The following NT5C2 variants were observed in gnomAD, a reference collection of about 807,000 sequenced individuals.
NT5C2 encodes the protein 5'-nucleotidase, cytosolic II, also known as cytosolic purine 5'-nucleotidase.
NT5C2 carries 58 observed loss-of-function variants against 76.1 expected under a neutral mutation model. The ratio of observed to expected loss-of-function variants is 0.76; its 90% confidence interval spans 0.62 to 0.95. The LOEUF is 0.95. Ranked by LOEUF, NT5C2 falls within the 40% of genes least tolerant of loss-of-function variation. The probability of loss-of-function intolerance (pLI) is 0.00; values close to 1 mark genes in which losing one functional copy is unlikely to be tolerated. For missense variants in NT5C2, 478 were observed against 690.3 expected (o/e 0.69, Z 3.45); for synonymous variants, 229 against 237.4 (o/e 0.96, Z 0.32).
At chr10:103,144,744 T>C (rs1361026133) in intron 3 of NT5C2, among the ~76,000 whole-genome samples, 1 of 152,140 alleles carries the variant, frequency 6.6e-6, no homozygotes, top group East Asian at 1.9e-4. Context: ...CAGATACCAT[T>C]TTGTGACATA....
intron 2 of NT5C2, among the ~76,000 whole-genome samples, chr10:103,180,663 A>G (rs2090887799): frequency 6.6e-6 from 1 of 152,114 alleles, no homozygotes; most frequent in Non-Finnish European, 1.5e-5. Context: ...GGCTACAGTG[A>G]GCCAAGATTG....
intron 4 of NT5C2, among the ~76,000 whole-genome samples, chr10:103,131,288 T>A (rs965020435): frequency 1.3e-5 from 2 of 152,250 alleles, no homozygotes; most frequent in African/African-American, 4.8e-5. Context: ...AAATACTGTT[T>A]GCCAGAATAG....
At chr10:103,136,797 G>C (rs1046594473) in intron 4 of NT5C2, among the ~76,000 whole-genome samples, 1 of 151,872 alleles carries the variant, frequency 6.6e-6, no homozygotes, top group Non-Finnish European at 1.5e-5. Context: ...ACTAATTTTT[G>C]TATTTTTTAG....
chr10:103,152,126 T>G (rs138993358), intron 3 of NT5C2, among the ~76,000 whole-genome samples: 2 of 152,312 alleles, frequency 1.3e-5, no homozygotes, highest in East Asian at 3.9e-4. Context: ...TAAACAACCC[T>G]GTGTACAAGA....
At chr10:103,173,628 AAAAG>A (rs1393795716) in intron 3 of NT5C2, among the ~76,000 whole-genome samples, 1 of 133,772 alleles carries the variant, frequency 7.5e-6, no homozygotes, top group Non-Finnish European at 1.6e-5. Flanking sequence ...AAAAAAAAAA[AAAAG>A]AATTTCATTC....
At position 103,088,917 on chromosome 10, in the gene NT5C2, G is replaced by A. The variant is rs2066042206; in HGVS notation, c.*755C>T. On this transcript the variant is annotated 3_prime_UTR_variant, in exon 19 of 19. Transcript: ENST00000404739. ...AAGGCAGTTCTTCCCTTTCTTTTCT[G>A]GGGGCTTGTTCCTTTGTCCACTTGC... The A allele has an allele frequency of 4.7e-6, 1 of 212,612 alleles. No homozygotes were observed. Among genetic ancestry groups the A allele is most frequent in the Non-Finnish European group, 9.5e-6 (1 of 105,164 alleles). The allele number at this position is 212,612 out of a possible 1,614,324, so 13.2% of individuals were successfully genotyped here.
chr10:103,090,078 CCT>C, intron 18 of NT5C2, 170 bp from the exon 19 acceptor site: 1 of 501,726 alleles, frequency 2.0e-6, no homozygotes. Context: ...TGCCTGTCTT[CCT>C]CTCTCCCTGC....
At chr10:103,109,774 C>G (rs11191561) in intron 4 of NT5C2, among the ~76,000 whole-genome samples, 20,095 of 152,124 alleles carry the variant, frequency 0.13, 1,364 homozygotes, top group Middle Eastern at 0.21. Context: ...CGAGTAAAAC[C>G]TATGTCTATG....
At chr10:103,136,845 C>T (rs1308025445) in intron 4 of NT5C2, among the ~76,000 whole-genome samples, 6 of 151,994 alleles carry the variant, frequency 3.9e-5, no homozygotes, top group African/African-American at 9.7e-5. Context: ...AGGCTGGTCT[C>T]GAACTCCTGT....
At chr10:103,129,064 G>A (rs561945980) in intron 4 of NT5C2, among the ~76,000 whole-genome samples, 10,471 of 115,950 alleles carry the variant, frequency 0.09, 502 homozygotes, top group Admixed American at 0.1. Flanking sequence ...CGTGCCATCC[G>A]GGAGGGAGGT....
chr10:103,153,904 T>A (rs1367918951), intron 3 of NT5C2: 1 of 540,616 alleles, frequency 1.8e-6, no homozygotes, highest in Non-Finnish European at 2.4e-6. Flanking sequence ...GCGAGGTATT[T>A]TTTTTTCTGA....
intron 16 of NT5C2, 65 bp from the exon 17 acceptor site, chr10:103,091,061 G>C: frequency 1.4e-6 from 2 of 1,397,840 alleles, no homozygotes; most frequent in Non-Finnish European, 1.0e-6. Flanking sequence ...CTTTAAGACA[G>C]TCTCATTCTG....
rs957768273 is a variant in NT5C2 at position 103,099,056 on chromosome 10, T to C, written c.634-72A>G. On this transcript the variant is annotated intron_variant, in intron 9 of 18. Transcript: ENST00000404739. ...TTTAACATGTAGTTTATAAGAAAAA[T>C]GGTTTTTACTAATCAACCCAAATCC... 2.2e-5 allele frequency: 27 copies of C among 1,222,276 alleles called. No individual in the cohort carries two copies. The African/African-American group carries it at 3.8e-4, about 17-fold the overall frequency. The allele number at this position is 1,222,276 out of a possible 1,614,324, so 75.7% of individuals were successfully genotyped here.
At chr10:103,127,456 T>G (rs780628854) in intron 4 of NT5C2, among the ~76,000 whole-genome samples, 11 of 152,184 alleles carry the variant, frequency 7.2e-5, no homozygotes, top group Non-Finnish European at 1.5e-4. Flanking sequence ...TTTGTGGCAT[T>G]AGGCTGGCAT....
At chr10:103,107,270 T>C (rs2135304307) in intron 4 of NT5C2, among the ~76,000 whole-genome samples, 1 of 152,334 alleles carries the variant, frequency 6.6e-6, no homozygotes, top group African/African-American at 2.4e-5. Context: ...TCTTATCAGC[T>C]CTAACAATGT....
intron 3 of NT5C2, among the ~76,000 whole-genome samples, chr10:103,158,493 A>G (rs922702964): frequency 2.6e-5 from 4 of 152,078 alleles, no homozygotes; most frequent in Non-Finnish European, 5.9e-5. Flanking sequence ...ACTGACCCAA[A>G]AAAAGAAGAC....
intron 3 of NT5C2, among the ~76,000 whole-genome samples, chr10:103,172,975 T>G (rs1171954196): frequency 6.6e-6 from 1 of 152,160 alleles, no homozygotes; most frequent in African/African-American, 2.4e-5. Flanking sequence ...GCCACTGGAC[T>G]TCAGCCTTGG....
chr10:103,146,541 CTG>C (rs1453686857), intron 3 of NT5C2: 6 of 532,798 alleles, frequency 1.1e-5, no homozygotes, highest in African/African-American at 2.1e-5. Flanking sequence ...AAGTATGTGT[CTG>C]TATATATGCA....
chr10:103,165,311 T>C (rs949757426), intron 3 of NT5C2, among the ~76,000 whole-genome samples: 58 of 152,044 alleles, frequency 3.8e-4, no homozygotes, highest in Admixed American at 8.5e-4. Context: ...CTGACCAACA[T>C]GGTGAAACTC....
Sources: allele counts gnomAD v4.1 joint callset (sites outside exome capture counted in the v4.1 genomes callset), GRCh38; gene constraint gnomAD v4.1.1; transcripts MANE v1.5; gene names NCBI Gene and HGNC (gene_info 2026-07-23, HGNC 2026-07-21).